EVI5L: variants seen among roughly 807,000 people sequenced by gnomAD.
The protein encoded by EVI5L is ecotropic viral integration site 5 like.
Under a neutral mutation model 106.1 loss-of-function variants are expected in EVI5L, and 30 were observed. That is an observed-to-expected ratio of 0.28 (90% CI 0.21 to 0.38). The LOEUF (loss-of-function observed/expected upper bound fraction) is 0.38. Among genes scored for constraint, EVI5L ranks in the 10% least tolerant of loss-of-function variants. The pLI is 1.00. For missense variants in EVI5L, 809 were observed against 1,098.0 expected (o/e 0.74, Z 3.72); for synonymous variants, 489 against 483.3 (o/e 1.01, Z -0.15).
chr19:7,863,122 G>T lies in EVI5L; in HGVS notation c.2043+55G>T. On this transcript the variant is annotated intron_variant, in intron 18 of 19. Coordinates refer to ENST00000538904, the MANE Select transcript of EVI5L (RefSeq NM_001159944.3). This position sits in a 1 kb window ranked among gnomAD's most constrained non-coding sequence, Gnocchi z 7.7. ...GGGGCGGGGGCAGGGCCCGGGGCAGGAGCGGGGCCGGACCCCAGGCCCAGC... is the reference window on the plus strand; with the variant it reads ...GGGGCGGGGGCAGGGCCCGGGGCAGTAGCGGGGCCGGACCCCAGGCCCAGC... 1 of 1,533,780 alleles carries T rather than the reference G, an allele frequency of 6.5e-7. No individual in the cohort carries two copies. Among genetic ancestry groups the T allele is most frequent in the African/African-American group, 1.4e-5 (1 of 71,758 alleles).
chr19:7,861,780 C>T (rs1406241789), intron 14 of EVI5L, 98 bp from the exon 15 acceptor site: 11 of 1,471,968 alleles, frequency 7.5e-6, no homozygotes, highest in Non-Finnish European at 9.1e-6. Context: ...CCGCCCAAGG[C>T]AGAGCTCAGG....
chr19:7,844,256 C>T (rs1000678661), intron 1 of EVI5L, among the ~76,000 whole-genome samples: 2 of 149,396 alleles, frequency 1.3e-5, no homozygotes, highest in Admixed American at 6.7e-5. Context: ...CGCGTGAACC[C>T]GGGAGGTAGA....
At chr19:7,836,671 C>T (rs1296727536) in intron 1 of EVI5L, among the ~76,000 whole-genome samples, 4 of 151,780 alleles carry the variant, frequency 2.6e-5, no homozygotes, top group Non-Finnish European at 5.9e-5. Flanking sequence ...GAGTCTCTCA[C>T]TCTGTCATCC....
At position 7,845,552 on chromosome 19, in the gene EVI5L, C is replaced by A. The variant is rs1978914804; in HGVS notation, c.-47-944C>A. Among the ~76,000 whole-genome samples the A allele has an allele frequency of 6.6e-6, 1 of 152,222 alleles. No individual in the cohort carries two copies. The highest frequency in any genetic ancestry group is 6.5e-5 in the Admixed American group (1 of 15,284). On this transcript the variant is annotated intron_variant, in intron 1 of 19. Transcript: ENST00000538904. This position sits in a 1 kb window ranked among gnomAD's most constrained non-coding sequence, Gnocchi z 4.0. ...TCAGTTTCCACAGCCACCCTTGAGG[C>A]TAGGTCCTGTATGATCTCAGTGTAC...
In EVI5L at chr19:7,856,871, G is replaced by T. The variant is rs1192142317; in HGVS notation, c.1201-221G>T. 2.9e-6 allele frequency: 2 copies of T among 698,002 alleles called. No individual in the cohort carries two copies. Among genetic ancestry groups the T allele is most frequent in the Non-Finnish European group, 5.2e-6 (2 of 383,274 alleles). The allele number at this position is 698,002 out of a possible 1,614,324, so 43.2% of individuals were successfully genotyped here. On this transcript the variant is annotated intron_variant, in intron 11 of 19. Transcript: ENST00000538904. This position sits in a 1 kb window ranked among gnomAD's most constrained non-coding sequence, Gnocchi z 6.6. ...AGCCGCGGGCACCCCCGACCTCCCC[G>T]CTCACACCGAACCCCTCTCCAGGAC...
At chr19:7,853,866 C>T (rs1310802803) in intron 10 of EVI5L, among the ~76,000 whole-genome samples, 1 of 152,232 alleles carries the variant, frequency 6.6e-6, no homozygotes, top group East Asian at 1.9e-4. Flanking sequence ...CCCGGGGCCC[C>T]TGGTTCCTGG....
At chr19:7,836,800 G>A (rs1978360834) in intron 1 of EVI5L, among the ~76,000 whole-genome samples, 1 of 151,712 alleles carries the variant, frequency 6.6e-6, no homozygotes, top group Non-Finnish European at 1.5e-5. Context: ...TTGTATGTGT[G>A]TGTGTATTTT....
At chr19:7,862,359 C>T (rs746636054) in intron 16 of EVI5L, 29 bp from the exon 17 acceptor site, 11 of 1,584,404 alleles carry the variant, frequency 6.9e-6, no homozygotes, top group Non-Finnish European at 8.6e-6. Context: ...CCGCCGCCGT[C>T]CTCCGTCCTC....
At chr19:7,849,429 G>T in intron 5 of EVI5L, 99 bp downstream of exon 5, 1 of 1,292,738 alleles carries the variant, frequency 7.7e-7, no homozygotes, top group East Asian at 2.4e-5. Flanking sequence ...TCCACCCAGC[G>T]TCTTGCTAGG....
chr19:7,855,997 C>T lies in EVI5L; in HGVS notation c.1147-18C>T. On this transcript the variant is annotated intron_variant, in intron 10 of 19. Transcript: ENST00000538904. ...CGTGGGGGGCGGGCTATGACGTGATCTCCCCCCACCCCCATAGAGACTTCG... is the reference window on the plus strand; with the variant it reads ...CGTGGGGGGCGGGCTATGACGTGATTTCCCCCCACCCCCATAGAGACTTCG... 1.5e-6 allele frequency: 2 copies of T among 1,324,576 alleles called. No homozygotes were observed. Among genetic ancestry groups the T allele is most frequent in the Non-Finnish European group, 1.9e-6 (2 of 1,027,490 alleles). The allele number at this position is 1,324,576 out of a possible 1,614,324, so 82.1% of individuals were successfully genotyped here.
At position 7,856,897 on chromosome 19, in the gene EVI5L, G is replaced by A. The variant is rs1275811482; in HGVS notation, c.1201-195G>A. The A allele has an allele frequency of 7.0e-6, 5 of 714,266 alleles. No individual in the cohort carries two copies. Among genetic ancestry groups the A allele is most frequent in the South Asian group, 6.0e-5 (4 of 67,144 alleles). 44.2% of individuals were successfully genotyped at this position (714,266 alleles called of 1,614,324 possible). On this transcript the variant is annotated intron_variant, in intron 11 of 19. Coordinates refer to ENST00000538904, the MANE Select transcript of EVI5L (RefSeq NM_001159944.3). The surrounding 1 kb of genome is among the most constrained non-coding windows in gnomAD (Gnocchi z 6.6). ...CTCACACCGAACCCCTCTCCAGGACGGAGCTGGCTCTAGCTTTGGTCTTCC... is the reference window on the plus strand; with the variant it reads ...CTCACACCGAACCCCTCTCCAGGACAGAGCTGGCTCTAGCTTTGGTCTTCC...
rs1249444886 is a variant in EVI5L at position 7,862,174 on chromosome 19, T to TGGGCGAGCTGCA, written c.1700_1711dup (p.Gly567_Gln570dup). 1.0e-5 allele frequency: 16 copies of TGGGCGAGCTGCA among 1,576,076 alleles called. No homozygotes were observed. Among genetic ancestry groups the TGGGCGAGCTGCA allele is most frequent in the Non-Finnish European group, 1.4e-5 (16 of 1,165,320 alleles). ...AAGGAGTCCCCACGGAAGCTGGTCG[T>TGGGCGAGCTGCA]GGGCGAGCTGCAGGACGAGCTGATG... On this transcript the variant is annotated inframe_insertion, in exon 16 of 20. Coordinates refer to ENST00000538904, the MANE Select transcript of EVI5L (RefSeq NM_001159944.3).
rs745603767 is a variant in EVI5L, at chr19:7,863,301, C to T, written c.2139+21C>T. Reference sequence around the variant, plus strand: ...CCGAGGTGAGCCGGCGCGGGGATGCCGGGGACAGGCCTGGGTGTCGTCGGC... The same window carrying T: ...CCGAGGTGAGCCGGCGCGGGGATGCTGGGGACAGGCCTGGGTGTCGTCGGC... On this transcript the variant is annotated intron_variant, in intron 19 of 19. Coordinates refer to ENST00000538904, the MANE Select transcript of EVI5L (RefSeq NM_001159944.3). This position sits in a 1 kb window ranked among gnomAD's most constrained non-coding sequence, Gnocchi z 7.7. The T allele has an allele frequency of 1.9e-5, 30 of 1,550,624 alleles. No individual in the cohort carries two copies. The Middle Eastern group carries it at 5.0e-4, about 26-fold the overall frequency.
At position 7,862,576 on chromosome 19, in the gene EVI5L, C is replaced by T. The variant is rs1458994806; in HGVS notation, c.1947+42C>T. ...CCCCGCCCTGCCCGTGGCACCGCCC[C>T]CGGACGCGCCCCTACATGAGGCCCC... On this transcript the variant is annotated intron_variant, in intron 17 of 19. Coordinates refer to ENST00000538904, the MANE Select transcript of EVI5L (RefSeq NM_001159944.3). 3 of 1,375,482 alleles carry T rather than the reference C, an allele frequency of 2.2e-6. No individual in the cohort carries two copies. The African/African-American group carries it at 4.6e-5, about 21-fold the overall frequency. 85.2% of individuals were successfully genotyped at this position (1,375,482 alleles called of 1,614,324 possible).
Position 7,862,147 on chromosome 19 carries a change from G to T in EVI5L, c.1670G>T (p.Trp557Leu). 1 of 1,574,586 alleles carries T rather than the reference G, an allele frequency of 6.4e-7. No homozygotes were observed. ...WQAHLARGGR[W>L]KESPRKLVVG... Reference sequence around the variant, plus strand: ...GCCCATCTGGCCCGCGGCGGCCGCTGGAAGGAGTCCCCACGGAAGCTGGTC... The same window carrying T: ...GCCCATCTGGCCCGCGGCGGCCGCTTGAAGGAGTCCCCACGGAAGCTGGTC... Residue 557 changes from tryptophan to leucine, a missense_variant, in exon 16 of 20, where the codon TGG (tryptophan) becomes TTG (leucine). Coordinates refer to ENST00000538904, the MANE Select transcript of EVI5L (RefSeq NM_001159944.3).
rs112191098 is a variant in EVI5L, at chr19:7,843,989, A to G, written c.-47-2507A>G. The stretch of plus-strand genomic sequence containing the variant: ...CACTTCCTGTATGAAATACACACAC[A>G]TTCGTGATAAATAGCTGAACAACCT... On this transcript the variant is annotated intron_variant, in intron 1 of 19. Coordinates refer to ENST00000538904, the MANE Select transcript of EVI5L (RefSeq NM_001159944.3). 1.9e-3 allele frequency among the ~76,000 whole-genome samples: 295 copies of G among 152,134 alleles called. 1 individual carries two copies. The highest frequency in any genetic ancestry group is 6.4e-3 in the African/African-American group (265 of 41,486).
At chr19:7,842,040 T>C (rs1978624947) in intron 1 of EVI5L, among the ~76,000 whole-genome samples, 2 of 151,326 alleles carry the variant, frequency 1.3e-5, no homozygotes, top group Admixed American at 6.6e-5. Flanking sequence ...AATGTGTGTG[T>C]GCCTGAGTGC....
At position 7,853,276 on chromosome 19, in the gene EVI5L, G is replaced by A. The variant is rs772606993; in HGVS notation, c.1089G>A (p.Leu363=). The change falls in exon 10 of 20, where the codon CTG becomes CTA. Residue 363 remains leucine (L), a synonymous_variant. Coordinates refer to ENST00000538904, the MANE Select transcript of EVI5L (RefSeq NM_001159944.3). ...VKYNPKKMKR[L]EKEYAAMKSK... ...ACGGGGCCCTCCCGATCTGCAGGCT[G>A]GAGAAGGAGTACGCAGCCATGAAGA... The A allele has an allele frequency of 6.2e-7, 1 of 1,613,934 alleles. No individual in the cohort carries two copies. The highest frequency in any genetic ancestry group is 1.1e-5 in the South Asian group (1 of 91,076).
At position 7,851,580 on chromosome 19, in the gene EVI5L, G is replaced by A; in HGVS notation, c.897+3G>A. The A allele has an allele frequency of 6.2e-7, 1 of 1,610,542 alleles. No homozygotes were observed. The highest frequency in any genetic ancestry group is 8.5e-7 in the Non-Finnish European group (1 of 1,178,318). ...TCTTTGACATCTTCATGTATGAGGT[G>A]AGGACCGATGGTGCCTGGGGAGGGA... On this transcript the variant is annotated splice_donor_region_variant and intron_variant, in intron 7 of 19. Coordinates refer to ENST00000538904, the MANE Select transcript of EVI5L (RefSeq NM_001159944.3).
Sources: allele counts gnomAD v4.1 joint callset (sites outside exome capture counted in the v4.1 genomes callset), GRCh38; gene constraint gnomAD v4.1.1; non-coding constraint Gnocchi (gnomAD v3.1); transcripts MANE v1.5; gene names NCBI Gene and HGNC (gene_info 2026-07-23, HGNC 2026-07-21).